MATK: variants seen among roughly 807,000 people sequenced by gnomAD.
MATK encodes the protein megakaryocyte-associated tyrosine kinase, also known as megakaryocyte-associated tyrosine-protein kinase.
In MATK, 41 loss-of-function variants were observed where a neutral mutation model predicts 59.8. The ratio of observed to expected loss-of-function variants is 0.69; its 90% CI spans 0.53 to 0.89. The LOEUF (loss-of-function observed/expected upper bound fraction) is 0.89, where lower values mean the gene tolerates loss of function less well. Among genes scored for constraint, MATK ranks in the 40% least tolerant of loss-of-function variants. The probability of loss-of-function intolerance (pLI) is 0.00; values close to 1 mark genes in which losing one functional copy is unlikely to be tolerated. For missense variants in MATK, 593 were observed against 719.6 expected (o/e 0.82, Z 2.01); for synonymous variants, 308 against 306.1 (o/e 1.01, Z -0.06).
chr19:3,784,926 C>G, intron 2 of MATK, 42 bp from the exon 3 acceptor site: 3 of 1,450,996 alleles, frequency 2.1e-6, no homozygotes, highest in Middle Eastern at 1.8e-4. Flanking sequence ...GGGCTGGGAC[C>G]CACGGTCCAG....
At chr19:3,791,015 T>C (rs556524598), upstream of MATK, among the ~76,000 whole-genome samples, 1 of 152,276 alleles carries the variant, frequency 6.6e-6, no homozygotes, top group East Asian at 1.9e-4. Flanking sequence ...TCCGTATCCT[T>C]AGAACCAGCG....
chr19:3,795,556 C>T (rs2037586055), intron 1 of MATK, among the ~76,000 whole-genome samples: 1 of 151,866 alleles, frequency 6.6e-6, no homozygotes, highest in Non-Finnish European at 1.5e-5. Context: ...ATATGAGCCA[C>T]CATGCCCGGC....
intron 3 of MATK, 43 bp downstream of exon 3, chr19:3,784,779 TGAA>T (rs1482355285): frequency 2.5e-5 from 37 of 1,452,686 alleles, no homozygotes; most frequent in Non-Finnish European, 3.3e-5. Flanking sequence ...TGGACGGAGT[TGAA>T]GAAGGACCCG....
chr19:3,784,039 G>T lies in MATK; in HGVS notation c.363-6C>A. The T allele has an allele frequency of 6.2e-7, 1 of 1,601,448 alleles. No individual in the cohort carries two copies. Among genetic ancestry groups the T allele is most frequent in the Non-Finnish European group, 8.5e-7 (1 of 1,172,620 alleles). On this transcript the variant is annotated splice_polypyrimidine_tract_variant and splice_region_variant and intron_variant, in intron 5 of 13. Coordinates refer to ENST00000310132, the MANE Select transcript of MATK (RefSeq NM_139355.3). ...AGATCTTCCCGTGGAACCACCTGCG[G>T]CCACGGAAGGGGTGGGTCAGACTGG...
chr19:3,789,314 CT>C, upstream of MATK: 1 of 778,786 alleles, frequency 1.3e-6, no homozygotes. Flanking sequence ...CGAGGTCTGC[CT>C]TCTCTTCGTT....
intron 7 of MATK, 21 bp downstream of exon 7, chr19:3,783,105 G>A (rs757324977): frequency 1.2e-6 from 2 of 1,611,132 alleles, no homozygotes. Flanking sequence ...AAGGGGGTCT[G>A]CCCTCCTGGG....
At chr19:3,783,692 C>A (rs914643574) in intron 6 of MATK, 122 bp downstream of exon 6, 4 of 860,894 alleles carry the variant, frequency 4.6e-6, no homozygotes, top group Non-Finnish European at 7.3e-6. Context: ...TGGTGTCTGC[C>A]CAGCTGCTGG....
intron 7 of MATK, chr19:3,782,749 C>G (rs1465802272): frequency 1.1e-5 from 3 of 265,374 alleles, no homozygotes; most frequent in Non-Finnish European, 2.2e-5. Flanking sequence ...GACTCGCCCT[C>G]TGGGAAGGAG....
upstream of MATK, chr19:3,789,493 A>G: frequency 1.8e-6 from 1 of 562,142 alleles, no homozygotes; most frequent in Non-Finnish European, 3.2e-6. Flanking sequence ...TAATAAGGGG[A>G]ACCAAGGTCT....
At chr19:3,785,904 C>T (rs148948184) in intron 1 of MATK, 1 of 152,508 alleles carries the variant, frequency 6.6e-6, no homozygotes, top group Non-Finnish European at 1.5e-5. Flanking sequence ...CAGCCCTCCA[C>T]GTGGACGCGC....
intron 1 of MATK, among the ~76,000 whole-genome samples, chr19:3,796,512 C>G (rs1208126613): frequency 6.6e-6 from 1 of 152,096 alleles, no homozygotes; most frequent in African/African-American, 2.4e-5. Context: ...GACAGTGGAG[C>G]AATGTATACT....
intron 1 of MATK, among the ~76,000 whole-genome samples, chr19:3,797,683 G>A (rs2037608716): frequency 6.6e-6 from 1 of 151,976 alleles, no homozygotes; most frequent in African/African-American, 2.4e-5. Flanking sequence ...ACGGAGCTCA[G>A]GAGTTTGAGA....
At chr19:3,796,372 A>G (rs2145116445) in intron 1 of MATK, among the ~76,000 whole-genome samples, 1 of 152,278 alleles carries the variant, frequency 6.6e-6, no homozygotes, top group South Asian at 2.1e-4. Flanking sequence ...GATGTTGTCC[A>G]TTGACTTCCT....
intron 1 of MATK, among the ~76,000 whole-genome samples, chr19:3,798,787 C>T (rs1180796423): frequency 1.3e-5 from 2 of 151,724 alleles, no homozygotes; most frequent in Non-Finnish European, 1.5e-5. Flanking sequence ...GCTGGGATTA[C>T]AGGCGTGAGC....
rs1180631702 is a variant in MATK at position 3,783,183 on chromosome 19, G to A, written c.619C>T (p.Leu207=). Residue 207 remains leucine, a synonymous_variant, in exon 7 of 14, where the codon CTG becomes TTG. Coordinates refer to ENST00000310132, the MANE Select transcript of MATK (RefSeq NM_139355.3). ...CCGTGTTTCCGCTTTGGTCTCACCA[G>A]CTTGGTGCAGATAGCGCCCTTGTCC... is the stretch of plus-strand genomic sequence containing the variant. ...SKDKGAICTK[L]VRPKRKHGTK... 6.2e-7 allele frequency: 1 copy of A among 1,614,072 alleles called. No homozygotes were observed. Among genetic ancestry groups the A allele is most frequent in the Non-Finnish European group, 8.5e-7 (1 of 1,179,982 alleles).
At chr19:3,800,106 C>T (rs1376097669) in intron 1 of MATK, among the ~76,000 whole-genome samples, 8 of 147,540 alleles carry the variant, frequency 5.4e-5, no homozygotes, top group Admixed American at 2.1e-4. Context: ...TGTGCCACTG[C>T]GCTCCAGCCT....
rs200227296 is a variant in MATK at position 3,783,906 on chromosome 19, G to A, written c.490C>T (p.Arg164Cys). The A allele has an allele frequency of 5.6e-6, 9 of 1,612,986 alleles. No individual in the cohort carries two copies. Among genetic ancestry groups the A allele is most frequent in the East Asian group, 4.5e-5 (2 of 44,880 alleles). ...GDYVLCVSFG[R>C]DVIHYRVLHR... Reference sequence around the variant, plus strand: ...AGCACGCGGTAGTGGATGACGTCGCGGCCAAAGCTCACGCACAGGACGTAG... The same window carrying A: ...AGCACGCGGTAGTGGATGACGTCGCAGCCAAAGCTCACGCACAGGACGTAG... Residue 164 changes from arginine (R) to cysteine (C), a missense_variant, in exon 6 of 14, where the codon CGC (arginine) becomes TGC (cysteine). Transcript: ENST00000310132.
intron 6 of MATK, among the ~76,000 whole-genome samples, 158 bp downstream of exon 6, chr19:3,783,656 C>T (rs909293164): frequency 2.0e-5 from 3 of 152,162 alleles, no homozygotes; most frequent in Middle Eastern, 3.4e-3. Context: ...CAGGGGGTCC[C>T]GGGTGATCAG....
At position 3,786,137 on chromosome 19, in the gene MATK, G is replaced by A. The variant is rs1475167763; in HGVS notation, c.-152+32C>T. On this transcript the variant is annotated intron_variant, in intron 1 of 13. Coordinates refer to ENST00000310132, the MANE Select transcript of MATK (RefSeq NM_139355.3). This position sits in a 1 kb window ranked among gnomAD's most constrained non-coding sequence, Gnocchi z 4.1. Reference sequence around the variant, plus strand: ...GGTTTCCCCCCACCCCGGCCTCGGGGTCTCTCCACGTCTCCCCGCCGACGT... The same window carrying A: ...GGTTTCCCCCCACCCCGGCCTCGGGATCTCTCCACGTCTCCCCGCCGACGT... 2.1e-6 allele frequency: 2 copies of A among 937,810 alleles called. No homozygotes were observed. The highest frequency in any genetic ancestry group is 2.5e-6 in the Non-Finnish European group (2 of 786,986). 58.1% of individuals were successfully genotyped at this position (937,810 alleles called of 1,614,324 possible). A position where few individuals can be genotyped will look rare whatever the true frequency, so the allele number is the denominator to read the frequency against.
Sources: allele counts gnomAD v4.1 joint callset (sites outside exome capture counted in the v4.1 genomes callset), GRCh38; gene constraint gnomAD v4.1.1; non-coding constraint Gnocchi (gnomAD v3.1); transcripts MANE v1.5; gene names NCBI Gene and HGNC (gene_info 2026-07-23, HGNC 2026-07-21).